IL1RAPL1: variants seen among roughly 807,000 people sequenced by gnomAD.
IL1RAPL1 encodes interleukin-1 receptor accessory protein-like 1.
In IL1RAPL1, 3 loss-of-function variants were observed where a neutral mutation model predicts 48.4. The ratio of observed to expected loss-of-function variants is 0.06; its 90% CI spans 0.03 to 0.16. IL1RAPL1 has a LOEUF of 0.16. Ranked by LOEUF, IL1RAPL1 falls within the 10% of genes least tolerant of loss-of-function variation. The pLI, the probability that IL1RAPL1 is intolerant of heterozygous loss-of-function variation, is 1.00. For synonymous variants in IL1RAPL1, 185 were observed against 187.7 expected (o/e 0.99, Z 0.12); for missense variants, 349 against 530.6 (o/e 0.66, Z 3.36).
intron 2 of IL1RAPL1, among the ~76,000 whole-genome samples, chrX:29,247,570 G>C (rs1931537898): frequency 8.9e-6 from 1 of 111,736 alleles, no homozygotes; most frequent in African/African-American, 3.3e-5. Flanking sequence ...CAGATCATGA[G>C]GTCAGGAGTT....
intron 3 of IL1RAPL1, among the ~76,000 whole-genome samples, chrX:29,293,445 G>A (rs1189166354): frequency 9.0e-6 from 1 of 111,014 alleles, no homozygotes; most frequent in East Asian, 2.8e-4. Context: ...CATGTTCAAG[G>A]CAGAGACTTA....
chrX:28,899,385 C>T (rs1264956460), intron 2 of IL1RAPL1, among the ~76,000 whole-genome samples: 5 of 111,717 alleles, frequency 4.5e-5, no homozygotes, highest in Non-Finnish European at 9.4e-5. Flanking sequence ...TTTGAACTCC[C>T]GGGCTCAAAT....
intron 6 of IL1RAPL1, among the ~76,000 whole-genome samples, chrX:29,884,272 G>A (rs1412930503): frequency 9.0e-6 from 1 of 111,212 alleles, no homozygotes. Context: ...ATACACAATA[G>A]GTAGCGTATA....
At chrX:29,648,661 C>CT (rs1449504472) in intron 5 of IL1RAPL1, among the ~76,000 whole-genome samples, 1 of 111,280 alleles carries the variant, frequency 9.0e-6, no homozygotes, top group Admixed American at 9.6e-5. Context: ...AAGTTTATAA[C>CT]AATAAATGCC....
chrX:28,895,829 G>C (rs954287517), intron 2 of IL1RAPL1, among the ~76,000 whole-genome samples: 1 of 111,650 alleles, frequency 9.0e-6, no homozygotes. Context: ...GTAGGCTTCC[G>C]AGGCAATCAG....
At chrX:29,722,246 T>C (rs987158075) in intron 6 of IL1RAPL1, among the ~76,000 whole-genome samples, 22 of 112,335 alleles carry the variant, frequency 2.0e-4, no homozygotes, top group African/African-American at 6.8e-4. Flanking sequence ...ATGTCACTTA[T>C]ATTAGCACTG....
intron 5 of IL1RAPL1, among the ~76,000 whole-genome samples, chrX:29,559,617 G>A (rs1416920005): frequency 9.0e-6 from 1 of 110,923 alleles, no homozygotes; most frequent in Admixed American, 9.6e-5. Context: ...TTTGTGATTT[G>A]ACAATGTATT....
At chrX:29,867,724 TGAGA>T (rs1047679853) in intron 6 of IL1RAPL1, among the ~76,000 whole-genome samples, 1 of 112,245 alleles carries the variant, frequency 8.9e-6, no homozygotes, top group African/African-American at 3.2e-5. Context: ...TTCGAAGCAC[TGAGA>T]GAGTAAACAA....
chrX:29,436,589 C>T (rs763745222), intron 5 of IL1RAPL1, among the ~76,000 whole-genome samples: 104 of 109,566 alleles, frequency 9.5e-4, no homozygotes, highest in Middle Eastern at 4.7e-3. Flanking sequence ...GAGACATAAC[C>T]CAGGAGGTGA....
chrX:29,324,916 A>G (rs1430429547), intron 3 of IL1RAPL1, among the ~76,000 whole-genome samples: 1 of 111,965 alleles, frequency 8.9e-6, no homozygotes, highest in Non-Finnish European at 1.9e-5. Flanking sequence ...GAACCAAGCT[A>G]TTTATTCTAC....
chrX:29,897,902 A>G (rs188719877), intron 6 of IL1RAPL1, among the ~76,000 whole-genome samples: 7 of 112,175 alleles, frequency 6.2e-5, no homozygotes, highest in Non-Finnish European at 9.4e-5. Flanking sequence ...AAGATGGCGC[A>G]TGATCTGCTG....
At chrX:29,616,146 A>G (rs1447863266) in intron 5 of IL1RAPL1, among the ~76,000 whole-genome samples, 1 of 111,714 alleles carries the variant, frequency 9.0e-6, no homozygotes, top group Non-Finnish European at 1.9e-5. Context: ...TCATCTTGTG[A>G]TGCCAAGAGA....
At chrX:29,892,296 AG>A (rs1932288118) in intron 6 of IL1RAPL1, among the ~76,000 whole-genome samples, 1 of 112,131 alleles carries the variant, frequency 8.9e-6, no homozygotes, top group Non-Finnish European at 1.9e-5. Context: ...TGTGTGAACG[AG>A]CATAAAGTGA....
chrX:29,399,856 G>T (rs192209485), intron 5 of IL1RAPL1, among the ~76,000 whole-genome samples: 1 of 110,133 alleles, frequency 9.1e-6, no homozygotes, highest in African/African-American at 3.3e-5. Flanking sequence ...GCTTTTGAAA[G>T]TACTTGAAAT....
chrX:28,641,639 G>A (rs149351776), intron 1 of IL1RAPL1, among the ~76,000 whole-genome samples: 1,213 of 111,441 alleles, frequency 0.011, 7 homozygotes, highest in Middle Eastern at 0.023. Context: ...TTGAGGAATC[G>A]CCGCACTGTC....
intron 5 of IL1RAPL1, among the ~76,000 whole-genome samples, chrX:29,583,092 C>G (rs1923032607): frequency 9.4e-6 from 1 of 106,181 alleles, no homozygotes; most frequent in East Asian, 3.0e-4. Context: ...CATTCTATGA[C>G]AAACCCACAG....
intron 2 of IL1RAPL1, among the ~76,000 whole-genome samples, chrX:29,103,204 C>T (rs886292868): frequency 3.6e-5 from 4 of 111,818 alleles, no homozygotes; most frequent in African/African-American, 1.3e-4. Context: ...GGAAGAAGCA[C>T]ATTACCGAGC....
intron 3 of IL1RAPL1, among the ~76,000 whole-genome samples, chrX:29,332,644 ATTTAT>A (rs1307341733): frequency 1.9e-3 from 150 of 77,251 alleles, no homozygotes; most frequent in African/African-American, 8.5e-3. Context: ...TTATTTATTT[ATTTAT>A]TTTATTTTTT....
intron 1 of IL1RAPL1, among the ~76,000 whole-genome samples, chrX:28,731,928 G>A (rs1480357764): frequency 8.9e-6 from 1 of 111,835 alleles, no homozygotes; most frequent in Non-Finnish European, 1.9e-5. Context: ...CTTTTTAGAA[G>A]TTAAGCCCAG....
Sources: gnomAD v4.1 joint callset for allele counts (sites outside exome capture counted in the v4.1 genomes callset) on GRCh38, gnomAD v4.1.1 for gene constraint, MANE v1.5 for transcripts, NCBI Gene and HGNC (gene_info 2026-07-23, HGNC 2026-07-21) for gene names.